The following ADGRB3 variants were observed in gnomAD, a reference collection of about 807,000 sequenced individuals.
The protein encoded by ADGRB3 is adhesion G protein-coupled receptor B3, also known as brain-specific angiogenesis inhibitor 3.
Under a neutral mutation model 193.4 loss-of-function variants are expected in ADGRB3, and 37 were observed. That is an observed-to-expected ratio of 0.19 (90% confidence interval 0.15 to 0.25). The LOEUF (loss-of-function observed/expected upper bound fraction) is 0.25, where lower values mean the gene tolerates loss of function less well. Among genes scored for constraint, ADGRB3 ranks in the 10% least tolerant of loss-of-function variants. The pLI is 1.00. For missense variants in ADGRB3, 1,637 were observed against 1,852.9 expected (o/e 0.88, Z 2.14); for synonymous variants, 690 against 644.2 (o/e 1.07, Z -1.08).
chr6:68,748,274 C>T (rs1481889832), intron 3 of ADGRB3, among the ~76,000 whole-genome samples: 1 of 152,126 alleles, frequency 6.6e-6, no homozygotes, highest in African/African-American at 2.4e-5. Flanking sequence ...CCCAAAAGTC[C>T]ACAGTCCAAA....
At chr6:68,678,548 CTG>C (rs1764815990) in intron 3 of ADGRB3, among the ~76,000 whole-genome samples, 1 of 152,082 alleles carries the variant, frequency 6.6e-6, no homozygotes, top group Non-Finnish European at 1.5e-5. Flanking sequence ...GAATGAAAAA[CTG>C]TGAGGGGTAA....
chr6:69,170,947 A>T (rs1374300007), intron 17 of ADGRB3, among the ~76,000 whole-genome samples: 1 of 152,216 alleles, frequency 6.6e-6, no homozygotes, highest in Non-Finnish European at 1.5e-5. Flanking sequence ...AATGTAAGCT[A>T]CATACATAAT....
intron 17 of ADGRB3, among the ~76,000 whole-genome samples, chr6:69,116,921 G>A (rs1420908216): frequency 3.3e-5 from 5 of 152,118 alleles, no homozygotes; most frequent in Non-Finnish European, 7.4e-5. Flanking sequence ...GTTCTTGGCT[G>A]GTGGGCCTCT....
intron 3 of ADGRB3, among the ~76,000 whole-genome samples, chr6:68,801,286 T>C (rs1767305911): frequency 6.6e-6 from 1 of 152,222 alleles, no homozygotes; most frequent in South Asian, 2.1e-4. Flanking sequence ...TAAGTATCTC[T>C]TTCATTCAGT....
chr6:69,207,503 C>T (rs1365954699), intron 17 of ADGRB3, among the ~76,000 whole-genome samples: 1 of 152,188 alleles, frequency 6.6e-6, no homozygotes, highest in Non-Finnish European at 1.5e-5. Flanking sequence ...ACAGACTCCA[C>T]ACCACTGGAT....
At chr6:69,033,412 T>A (rs1770770342) in intron 13 of ADGRB3, among the ~76,000 whole-genome samples, 1 of 152,202 alleles carries the variant, frequency 6.6e-6, no homozygotes, top group Non-Finnish European at 1.5e-5. Context: ...ATTATCTCTA[T>A]AAATGCATCA....
chr6:69,294,640 T>A (rs1409919971), intron 20 of ADGRB3, among the ~76,000 whole-genome samples: 1 of 152,158 alleles, frequency 6.6e-6, no homozygotes, highest in Admixed American at 6.5e-5. Context: ...CTTACACATA[T>A]GGTACTTATA....
chr6:69,181,526 AG>A (rs1163957493), intron 17 of ADGRB3, among the ~76,000 whole-genome samples: 1 of 152,186 alleles, frequency 6.6e-6, no homozygotes, highest in African/African-American at 2.4e-5. Flanking sequence ...TATATTACCT[AG>A]AAGCTAAATT....
intron 3 of ADGRB3, among the ~76,000 whole-genome samples, chr6:68,787,590 A>T (rs1056739945): frequency 1.3e-5 from 2 of 152,122 alleles, no homozygotes; most frequent in African/African-American, 4.8e-5. Context: ...ATCGATGTTC[A>T]TCAAGAATAT....
chr6:68,723,668 C>T (rs80173714), intron 3 of ADGRB3, among the ~76,000 whole-genome samples: 15,241 of 151,734 alleles, frequency 0.1, 1,006 homozygotes, highest in Middle Eastern at 0.27. Context: ...TGTAGAATTG[C>T]TGAGATAGAA....
intron 13 of ADGRB3, 49 bp downstream of exon 13, chr6:69,018,548 T>G (rs1224091385): frequency 1.9e-5 from 24 of 1,263,668 alleles, no homozygotes; most frequent in Non-Finnish European, 2.6e-5. Flanking sequence ...AAAAAAAAAT[T>G]GCAAGTATCT....
intron 3 of ADGRB3, among the ~76,000 whole-genome samples, chr6:68,710,473 G>T (rs1339525548): frequency 6.6e-6 from 1 of 152,074 alleles, no homozygotes; most frequent in African/African-American, 2.4e-5. Context: ...GGTTTATCTG[G>T]TCTCTCTCCT....
intron 3 of ADGRB3, among the ~76,000 whole-genome samples, chr6:68,795,873 T>C (rs1449778558): frequency 2.0e-5 from 3 of 152,148 alleles, no homozygotes; most frequent in African/African-American, 4.8e-5. Flanking sequence ...TTTTTTAAAA[T>C]CTGTCTATGA....
chr6:68,930,764 T>A (rs1582324212), intron 4 of ADGRB3, 95 bp downstream of exon 4: 2 of 993,150 alleles, frequency 2.0e-6, no homozygotes, highest in South Asian at 3.6e-5. Context: ...TGTCAGTTTT[T>A]GGAGCTGATA....
At chr6:68,866,812 T>C (rs901504379) in intron 3 of ADGRB3, among the ~76,000 whole-genome samples, 3 of 152,212 alleles carry the variant, frequency 2.0e-5, no homozygotes, top group Admixed American at 1.3e-4. Context: ...TCTAGGGATC[T>C]GTGGAACTTT....
At chr6:69,348,341 TTC>T (rs1769150909) in intron 26 of ADGRB3, among the ~76,000 whole-genome samples, 1 of 152,042 alleles carries the variant, frequency 6.6e-6, no homozygotes, top group South Asian at 2.1e-4. Flanking sequence ...AGCATGGTGC[TTC>T]TGTCTCTAGT....
At chr6:68,942,585 A>T (rs62418266) in intron 5 of ADGRB3, among the ~76,000 whole-genome samples, 10 of 152,042 alleles carry the variant, frequency 6.6e-5, no homozygotes, top group Non-Finnish European at 1.3e-4. Flanking sequence ...TGGTGATTTG[A>T]CCATGCAGGG....
At chr6:69,040,889 C>T (rs565355333) in intron 13 of ADGRB3, among the ~76,000 whole-genome samples, 2 of 152,104 alleles carry the variant, frequency 1.3e-5, no homozygotes, top group East Asian at 3.9e-4. Flanking sequence ...CTTGACTGGC[C>T]TTTTAGTCTG....
intron 17 of ADGRB3, among the ~76,000 whole-genome samples, chr6:69,147,694 T>A (rs1470608192): frequency 6.6e-6 from 1 of 152,186 alleles, no homozygotes; most frequent in Non-Finnish European, 1.5e-5. Flanking sequence ...GGTGTTTTCT[T>A]TGTTGATTTT....
Sources: allele counts gnomAD v4.1 joint callset (sites outside exome capture counted in the v4.1 genomes callset), GRCh38; gene constraint gnomAD v4.1.1; transcripts MANE v1.5; gene names NCBI Gene and HGNC (gene_info 2026-07-23, HGNC 2026-07-21).